Variants in RBM20 observed in about 807,000 individuals in gnomAD.
The protein encoded by RBM20 is RNA binding motif protein 20, also known as RNA-binding protein 20.
Under a neutral mutation model 110.1 loss-of-function variants are expected in RBM20, and 51 were observed. The observed-to-expected ratio is 0.46, with a 90% CI of 0.37 to 0.59. The LOEUF (loss-of-function observed/expected upper bound fraction) is 0.59, where lower values mean the gene tolerates loss of function less well. RBM20 is among the 20% of genes least tolerant of loss of function. The pLI is 0.00. For synonymous variants in RBM20, 589 were observed against 618.2 expected, an observed-to-expected ratio of 0.95 and a Z score of 0.70; for missense variants, 1,512 against 1,574.9, an observed-to-expected ratio of 0.96 and a Z score of 0.68.
chr10:110,753,260 A>G (rs1344243930), intron 1 of RBM20, among the ~76,000 whole-genome samples: 2 of 129,936 alleles, frequency 1.5e-5, no homozygotes, highest in East Asian at 5.6e-4. Flanking sequence ...CTGACAGTCT[A>G]AAGTTTATCA....
chr10:110,795,697 C>G (rs763646014), intron 5 of RBM20, among the ~76,000 whole-genome samples: 36 of 152,186 alleles, frequency 2.4e-4, no homozygotes, highest in African/African-American at 7.0e-4. Flanking sequence ...GGAGACTATG[C>G]TATTAGAATG....
At chr10:110,756,421 G>A (rs189003934) in intron 1 of RBM20, 11 of 152,382 alleles carry the variant, frequency 7.2e-5, no homozygotes, top group African/African-American at 2.6e-4. Flanking sequence ...GCCCACCTAA[G>A]AGAGAAGCTG....
intron 1 of RBM20, among the ~76,000 whole-genome samples, chr10:110,750,678 G>C (rs907016353): frequency 6.6e-6 from 1 of 152,194 alleles, no homozygotes; most frequent in Non-Finnish European, 1.5e-5. Context: ...GTTCTGTAAT[G>C]AAATGTGTGC....
chr10:110,801,515 G>A (rs961131594), intron 7 of RBM20, among the ~76,000 whole-genome samples: 3 of 151,966 alleles, frequency 2.0e-5, no homozygotes, highest in African/African-American at 7.2e-5. Flanking sequence ...TCGTGGGAGA[G>A]TATCATGGTT....
At chr10:110,712,336 A>G (rs948416458) in intron 1 of RBM20, among the ~76,000 whole-genome samples, 3 of 152,242 alleles carry the variant, frequency 2.0e-5, no homozygotes, top group African/African-American at 7.2e-5. Flanking sequence ...TGGTGGTATC[A>G]GTAGTAATCA....
intron 1 of RBM20, among the ~76,000 whole-genome samples, chr10:110,743,969 C>T (rs1843749892): frequency 6.6e-6 from 1 of 152,092 alleles, no homozygotes; most frequent in Non-Finnish European, 1.5e-5. Flanking sequence ...CTTCTCTTCA[C>T]TAGAGAAATT....
intron 1 of RBM20, among the ~76,000 whole-genome samples, chr10:110,652,237 T>C (rs1028197003): frequency 2.0e-5 from 3 of 152,218 alleles, no homozygotes; most frequent in Non-Finnish European, 4.4e-5. Flanking sequence ...AAAGATCTCA[T>C]GTTTGTTTTT....
At chr10:110,727,010 C>T (rs1354821087) in intron 1 of RBM20, among the ~76,000 whole-genome samples, 1 of 151,998 alleles carries the variant, frequency 6.6e-6, no homozygotes, top group Non-Finnish European at 1.5e-5. Flanking sequence ...CACTGCCCGG[C>T]TGATTTTTTG....
intron 1 of RBM20, among the ~76,000 whole-genome samples, chr10:110,708,831 C>T (rs752443061): frequency 6.6e-6 from 1 of 152,082 alleles, no homozygotes; most frequent in Non-Finnish European, 1.5e-5. Flanking sequence ...CTGAGGGCAA[C>T]CACAGAAAAT....
rs558440936 is a variant in RBM20 at position 110,835,960 on chromosome 10, C to G, written c.3666C>G (p.Phe1222Leu). 2.3e-6 allele frequency: 3 copies of G among 1,306,480 alleles called. No homozygotes were observed. In the African/African-American group the frequency reaches 4.5e-5, roughly 19 times the overall value. The allele number at this position is 1,306,480 out of a possible 1,614,324, so 80.9% of individuals were successfully genotyped here. Residue 1222 changes from phenylalanine (F) to leucine (L), a missense_variant, in exon 14 of 14, where the codon TTC becomes TTG. This residue lies in a region of RBM20 where 358 missense variants were observed against 384.2 expected (regional missense o/e 0.93). Transcript: ENST00000369519. Reference protein sequence around the residue: ...RPEDSGIVPRFERKKL With the variant: ...RPEDSGIVPRLERKKL ...AGGACAGCGGAATCGTGCCACGCTTCGAAAGGAAAAAGCTCTGATGCTTCT... is the reference window on the plus strand; with the variant it reads ...AGGACAGCGGAATCGTGCCACGCTTGGAAAGGAAAAAGCTCTGATGCTTCT...
chr10:110,745,239 C>T (rs1376544746), intron 1 of RBM20, among the ~76,000 whole-genome samples: 1 of 152,200 alleles, frequency 6.6e-6, no homozygotes, highest in Admixed American at 6.5e-5. Context: ...GCCTGAATAC[C>T]ACCATGGCAA....
intron 1 of RBM20, among the ~76,000 whole-genome samples, chr10:110,727,792 C>T (rs1843579456): frequency 6.6e-6 from 1 of 152,138 alleles, no homozygotes; most frequent in African/African-American, 2.4e-5. Context: ...CTAATGCTTT[C>T]CCTCCCCTTG....
chr10:110,709,678 C>T (rs1862894466), intron 1 of RBM20, among the ~76,000 whole-genome samples: 1 of 151,436 alleles, frequency 6.6e-6, no homozygotes, highest in African/African-American at 2.4e-5. Context: ...GTGATCCTCC[C>T]TTCTCAGCCT....
intron 1 of RBM20, among the ~76,000 whole-genome samples, chr10:110,725,082 C>CAGGA (rs1358350511): frequency 6.6e-6 from 1 of 152,046 alleles, no homozygotes; most frequent in African/African-American, 2.4e-5. Context: ...ATGATCATAG[C>CAGGA]TCTTTCCCAT....
At chr10:110,741,463 G>GT (rs1564831551) in intron 1 of RBM20, among the ~76,000 whole-genome samples, 1 of 152,086 alleles carries the variant, frequency 6.6e-6, no homozygotes, top group Non-Finnish European at 1.5e-5. Flanking sequence ...CTCAGCCTTT[G>GT]TTTTCCACAT....
chr10:110,691,499 T>C (rs1862585116), intron 1 of RBM20, among the ~76,000 whole-genome samples: 1 of 152,206 alleles, frequency 6.6e-6, no homozygotes, highest in Non-Finnish European at 1.5e-5. Flanking sequence ...TATCTCATTG[T>C]AGTTTTGATT....
Position 110,715,172 on chromosome 10 carries a change from A to G in RBM20, c.192-65629A>G, listed in dbSNP as rs561898079. On this transcript the variant is annotated intron_variant, in intron 1 of 13. Transcript: ENST00000369519. ...CTGAATTGGGAGAATCGCTTGAACC[A>G]GGGAGGCAGAGGCTGCAGTGAGTCA... 5.3e-5 allele frequency among the ~76,000 whole-genome samples: 8 copies of G among 152,268 alleles called. No individual in the cohort carries two copies. In the East Asian group the frequency reaches 1.2e-3, roughly 22 times the overall value.
intron 1 of RBM20, among the ~76,000 whole-genome samples, chr10:110,681,387 G>A (rs1472200305): frequency 2.0e-5 from 3 of 152,200 alleles, no homozygotes; most frequent in Non-Finnish European, 4.4e-5. Context: ...CTCTTGTTTA[G>A]TACTTTATAT....
rs144759440 is a variant in RBM20, at chr10:110,831,683, A to AAAC, written c.3573+503_3573+504insCAA. 1.0e-3 allele frequency among the ~76,000 whole-genome samples: 67 copies of AAAC among 64,820 alleles called. 1 individual carries two copies. The highest frequency in any genetic ancestry group is 2.4e-3 in the South Asian group (5 of 2,074). The allele number at this position is 64,820 out of a possible 152,430, so 42.5% of individuals were successfully genotyped here. ...TGCTAGAATAAAAAAAAAAAAAAAA[A>AAAC]AAAAAAAACACTGCTTTGTTCTTTT... On this transcript the variant is annotated intron_variant, in intron 13 of 13. Transcript: ENST00000369519.
Sources: gnomAD v4.1 joint callset for allele counts (sites outside exome capture counted in the v4.1 genomes callset) on GRCh38, gnomAD v4.1.1 for gene constraint, gnomAD v4.1.1 regional missense constraint, MANE v1.5 for transcripts, NCBI Gene and HGNC (gene_info 2026-07-23, HGNC 2026-07-21) for gene names.